APOBEC3A: variants seen among roughly 807,000 people sequenced by gnomAD.
APOBEC3A encodes DNA dC->dU-editing enzyme APOBEC-3A.
In APOBEC3A, 13 loss-of-function variants were observed where a neutral mutation model predicts 23.0. The observed-to-expected ratio is 0.57, with a 90% CI of 0.37 to 0.90. APOBEC3A has a LOEUF of 0.90. APOBEC3A is among the 40% of genes least tolerant of loss of function. The probability of loss-of-function intolerance (pLI) is 0.01; values close to 1 mark genes in which losing one functional copy is unlikely to be tolerated. For synonymous variants in APOBEC3A, 74 were observed against 101.3 expected, an observed-to-expected ratio of 0.73 and a Z score of 1.62; for missense variants, 179 against 264.9, an observed-to-expected ratio of 0.68 and a Z score of 2.25.
chr22:38,959,127 G>C, intron 1 of APOBEC3A, among the ~76,000 whole-genome samples: 1 of 152,194 alleles, frequency 6.6e-6, no homozygotes, highest in East Asian at 1.9e-4. Flanking sequence ...GAGTGTCCCT[G>C]TCCCGATGCT....
In APOBEC3A at chr22:38,957,732, C is replaced by T. The variant is rs776323734; in HGVS notation, c.29+12C>T. ...GCATCCGGGCCCAGGTATGGGAAGC[C>T]CCTCCGAGCACCTCTGCGCCTCAGC... On this transcript the variant is annotated intron_variant, in intron 1 of 4. Transcript: ENST00000249116. 5.0e-6 allele frequency: 8 copies of T among 1,611,058 alleles called. No homozygotes were observed. Among genetic ancestry groups the T allele is most frequent in the African/African-American group, 2.7e-5 (2 of 74,848 alleles).
chr22:38,962,024 TG>T (rs1922917824), intron 3 of APOBEC3A, 73 bp from the exon 4 acceptor site: 1 of 1,543,400 alleles, frequency 6.5e-7, no homozygotes, highest in Admixed American at 1.9e-5. Context: ...AAGTCTGTCC[TG>T]AGAGTCATGG....
At chr22:38,959,105 C>G (rs1977068) in intron 1 of APOBEC3A, among the ~76,000 whole-genome samples, 70,332 of 151,836 alleles carry the variant, frequency 0.46, 17,589 homozygotes, top group African/African-American at 0.66. Context: ...TCTCCCCAGT[C>G]ATCCCCCTCA....
Position 38,962,851 on chromosome 22 carries a change from T to G in APOBEC3A, c.*342T>G, listed in dbSNP as rs1477608416. On this transcript the variant is annotated 3_prime_UTR_variant, in exon 5 of 5. Transcript: ENST00000249116. ...CGGGCGCCTGTAGTCCCAGCTACTC[T>G]GGAGGCTGAGGCAGGAGAGTAGCGT... The G allele has an allele frequency of 4.8e-6, 2 of 413,550 alleles. No individual in the cohort carries two copies. The highest frequency in any genetic ancestry group is 8.4e-6 in the Non-Finnish European group (2 of 237,012). 25.6% of individuals were successfully genotyped at this position (413,550 alleles called of 1,614,324 possible). A position where few individuals can be genotyped will look rare whatever the true frequency, so the allele number is the denominator to read the frequency against.
Position 38,957,712 on chromosome 22 carries a change from C to CG in APOBEC3A, c.24dup (p.Pro9AlafsTer15), listed in dbSNP as rs1205549083. ...AGCACATGGAAGCCAGCCCAGCATC[C>CG]GGGCCCAGGTATGGGAAGCCCCTCC... On this transcript the variant is annotated frameshift_variant, in exon 1 of 5. Coordinates refer to ENST00000249116, the MANE Select transcript of APOBEC3A (RefSeq NM_145699.4). LOFTEE classifies it high-confidence loss of function. 1 of 1,612,380 alleles carries CG rather than the reference C, an allele frequency of 6.2e-7. No homozygotes were observed. Among genetic ancestry groups the CG allele is most frequent in the East Asian group, 2.2e-5 (1 of 44,882 alleles).
intron 4 of APOBEC3A, 128 bp downstream of exon 4, chr22:38,962,341 C>G: frequency 6.4e-7 from 1 of 1,562,412 alleles, no homozygotes; most frequent in South Asian, 1.2e-5. Flanking sequence ...CGCCCAGCTC[C>G]GTCCCTCCCT....
rs1922975072 is a variant in APOBEC3A, at chr22:38,962,868, G to A, written c.*359G>A. The A allele has an allele frequency of 2.7e-6, 1 of 373,588 alleles. No homozygotes were observed. The highest frequency in any genetic ancestry group is 2.1e-5 in the African/African-American group (1 of 47,608). 23.1% of individuals were successfully genotyped at this position (373,588 alleles called of 1,614,324 possible). The stretch of plus-strand genomic sequence containing the variant: ...AGCTACTCTGGAGGCTGAGGCAGGA[G>A]AGTAGCGTGAACCCGGGAGGCAGAG... On this transcript the variant is annotated 3_prime_UTR_variant, in exon 5 of 5. Coordinates refer to ENST00000249116, the MANE Select transcript of APOBEC3A (RefSeq NM_145699.4).
At position 38,962,699 on chromosome 22, in the gene APOBEC3A, C is replaced by A; in HGVS notation, c.*190C>A. On this transcript the variant is annotated 3_prime_UTR_variant, in exon 5 of 5. Transcript: ENST00000249116. ...AGTGGGCCGGGCGCGGTGGCTCACG[C>A]CTGTAATCCCAGCACTTTGGAGGCC... 3 of 1,410,354 alleles carry A rather than the reference C, an allele frequency of 2.1e-6. No individual in the cohort carries two copies. The highest frequency in any genetic ancestry group is 2.8e-6 in the Non-Finnish European group (3 of 1,055,996). The allele number at this position is 1,410,354 out of a possible 1,614,324, so 87.4% of individuals were successfully genotyped here.
At chr22:38,961,782 G>A in intron 3 of APOBEC3A, 101 bp downstream of exon 3, 1 of 1,097,302 alleles carries the variant, frequency 9.1e-7, no homozygotes, top group Non-Finnish European at 1.3e-6. Context: ...CAGAAACGAT[G>A]GCTGGACTCT....
intron 1 of APOBEC3A, among the ~76,000 whole-genome samples, chr22:38,958,977 G>C (rs961618523): frequency 6.6e-6 from 1 of 152,120 alleles, no homozygotes; most frequent in Non-Finnish European, 1.5e-5. Flanking sequence ...TTCCAGCCCA[G>C]GAGTCCTGAG....
intron 3 of APOBEC3A, 76 bp downstream of exon 3, chr22:38,961,757 T>C (rs1922901545): frequency 2.7e-6 from 3 of 1,107,678 alleles, no homozygotes; most frequent in Non-Finnish European, 2.6e-6. Context: ...GAGAAAGGCC[T>C]TGGTCTGCTG....
At position 38,962,688 on chromosome 22, in the gene APOBEC3A, G is replaced by A. The variant is rs531468874; in HGVS notation, c.*179G>A. On this transcript the variant is annotated 3_prime_UTR_variant, in exon 5 of 5. Coordinates refer to ENST00000249116, the MANE Select transcript of APOBEC3A (RefSeq NM_145699.4). The stretch of plus-strand genomic sequence containing the variant: ...TAAAAAATCAGAGTGGGCCGGGCGC[G>A]GTGGCTCACGCCTGTAATCCCAGCA... The A allele has an allele frequency of 4.1e-5, 59 of 1,450,758 alleles. 3 individuals are homozygous for A. The Middle Eastern group carries it at 1.3e-3, about 32-fold the overall frequency. 89.9% of individuals were successfully genotyped at this position (1,450,758 alleles called of 1,614,324 possible).
chr22:38,958,499 CTTTTT>C (rs1922686052), intron 1 of APOBEC3A, among the ~76,000 whole-genome samples: 3 of 136,456 alleles, frequency 2.2e-5, no homozygotes, highest in African/African-American at 8.4e-5. Context: ...TTCTTTCTTT[CTTTTT>C]CTTTCATTCT....
Position 38,961,494 on chromosome 22 carries a change from G to A in APOBEC3A, c.282G>A (p.Trp94Ter), listed in dbSNP as rs750248680. The A allele has an allele frequency of 8.5e-5, 126 of 1,483,832 alleles. 7 individuals are homozygous for A. The South Asian group carries it at 1.4e-3, about 16-fold the overall frequency. 91.9% of individuals were successfully genotyped at this position (1,483,832 alleles called of 1,614,324 possible). ...LDPAQIYRVT[W>*]FISWSPCFSW... Reference sequence around the variant, plus strand: ...CGGCCCAGATCTACAGGGTCACTTGGTTCATCTCCTGGAGCCCCTGCTTCT... The same window carrying A: ...CGGCCCAGATCTACAGGGTCACTTGATTCATCTCCTGGAGCCCCTGCTTCT... Residue 94 changes from tryptophan to a stop codon, truncating the protein, a stop_gained, in exon 3 of 5, where the codon TGG becomes TGA. Coordinates refer to ENST00000249116, the MANE Select transcript of APOBEC3A (RefSeq NM_145699.4). LOFTEE classifies it high-confidence loss of function.
chr22:38,958,753 TCCTC>T (rs1372529431), intron 1 of APOBEC3A, among the ~76,000 whole-genome samples: 1 of 98,684 alleles, frequency 1.0e-5, no homozygotes, highest in Non-Finnish European at 2.0e-5. Flanking sequence ...CTTCCTTCCT[TCCTC>T]CATCTCTCTT....
chr22:38,959,528 C>T lies in APOBEC3A; in HGVS notation c.30-14C>T, dbSNP rs555997309. The T allele has an allele frequency of 8.1e-6, 13 of 1,611,968 alleles. No individual in the cohort carries two copies. In the Admixed American group the frequency reaches 2.0e-4, roughly 25 times the overall value. On this transcript the variant is annotated splice_polypyrimidine_tract_variant and intron_variant, in intron 1 of 4. Transcript: ENST00000249116. ...GGCTCTTCCTCCTCTGGTCTTTTCC[C>T]TGGCTGTCCACAGACACTTGATGGA...
intron 1 of APOBEC3A, among the ~76,000 whole-genome samples, chr22:38,958,858 T>A (rs1183260298): frequency 9.3e-6 from 1 of 107,700 alleles, no homozygotes; most frequent in African/African-American, 5.9e-5. Context: ...TCTCTTTCCT[T>A]CTTTCTTTCT....
intron 2 of APOBEC3A, among the ~76,000 whole-genome samples, chr22:38,960,814 G>A (rs1197113766): frequency 6.6e-6 from 1 of 152,012 alleles, no homozygotes; most frequent in Non-Finnish European, 1.5e-5. Flanking sequence ...AGTAGAGCAG[G>A]TCAATCTCCC....
chr22:38,959,004 G>A (rs1922739977), intron 1 of APOBEC3A, among the ~76,000 whole-genome samples: 1 of 152,114 alleles, frequency 6.6e-6, no homozygotes, highest in African/African-American at 2.4e-5. Context: ...CATCTCAATT[G>A]CCTGAGAAGC....
Sources: allele counts gnomAD v4.1 joint callset (sites outside exome capture counted in the v4.1 genomes callset), GRCh38; gene constraint gnomAD v4.1.1; transcripts MANE v1.5; gene names NCBI Gene and HGNC (gene_info 2026-07-23, HGNC 2026-07-21).